TUBB3: variants seen among roughly 807,000 people sequenced by gnomAD.
The protein encoded by TUBB3 is tubulin beta 3 class III, also known as tubulin beta-3 chain.
Under a neutral mutation model 37.8 loss-of-function variants are expected in TUBB3, and 17 were observed. The ratio of observed to expected loss-of-function variants is 0.45; its 90% confidence interval spans 0.31 to 0.67. The LOEUF is 0.67. Among genes scored for constraint, TUBB3 ranks in the 30% least tolerant of loss-of-function variants. The probability of loss-of-function intolerance (pLI) is 0.07; values close to 1 mark genes in which losing one functional copy is unlikely to be tolerated. For missense variants in TUBB3, 262 were observed against 657.9 expected, an observed-to-expected ratio of 0.40 and a Z score of 6.58; for synonymous variants, 332 against 278.9, an observed-to-expected ratio of 1.19 and a Z score of -1.90.
At position 89,935,738 on chromosome 16, in the gene TUBB3, G is replaced by T. The variant is rs142238093; in HGVS notation, c.1287G>T (p.Thr429=). 7 of 1,613,934 alleles carry T rather than the reference G, an allele frequency of 4.3e-6. No homozygotes were observed. The highest frequency in any genetic ancestry group is 5.9e-6 in the Non-Finnish European group (7 of 1,179,942). The change falls in exon 4 of 4, where the codon ACG becomes ACT. Residue 429 remains threonine (T), a synonymous_variant. Coordinates refer to ENST00000315491, the MANE Select transcript of TUBB3 (RefSeq NM_006086.4). The part of the protein sequence containing the change: ...VSEYQQYQDA[T]AEEEGEMYED... Reference sequence around the variant, plus strand: ...AGTACCAGCAGTACCAGGACGCCACGGCCGAGGAAGAGGGCGAGATGTACG... The same window carrying T: ...AGTACCAGCAGTACCAGGACGCCACTGCCGAGGAAGAGGGCGAGATGTACG...
At position 89,923,466 on chromosome 16, in the gene TUBB3, T is replaced by C; in HGVS notation, c.57+8T>C. On this transcript the variant is annotated splice_region_variant and intron_variant, in intron 1 of 3. Transcript: ENST00000315491. Reference sequence around the variant, plus strand: ...AACCAGATCGGGGCCAAGGTGAGGCTGCGCGCCCCGGCCTGTCCCGGGCCC... The same window carrying C: ...AACCAGATCGGGGCCAAGGTGAGGCCGCGCGCCCCGGCCTGTCCCGGGCCC... The C allele has an allele frequency of 6.7e-7, 1 of 1,484,642 alleles. No individual in the cohort carries two copies. 92.0% of individuals were successfully genotyped at this position (1,484,642 alleles called of 1,614,324 possible). A position where few individuals can be genotyped will look rare whatever the true frequency, so the allele number is the denominator to read the frequency against.
At position 89,933,617 on chromosome 16, in the gene TUBB3, A is replaced by G. The variant is rs544901815; in HGVS notation, c.277+39A>G. ...GCTCCAAGCTCTGATGGCAGACCCC[A>G]TCACAGGCAAGCCCAGGTCGGTGGA... On this transcript the variant is annotated intron_variant, in intron 3 of 3. Transcript: ENST00000315491. The G allele has an allele frequency of 2.9e-4, 447 of 1,529,594 alleles. 8 individuals carry two copies. The South Asian group carries it at 4.7e-3, about 16-fold the overall frequency. The allele number at this position is 1,529,594 out of a possible 1,614,324, so 94.8% of individuals were successfully genotyped here.
chr16:89,929,425 G>A (rs967524657), intron 1 of TUBB3, among the ~76,000 whole-genome samples: 7 of 152,202 alleles, frequency 4.6e-5, no homozygotes, highest in African/African-American at 2.4e-5. Flanking sequence ...CAGTCTCAGG[G>A]TGAACGGGCA....
At position 89,935,144 on chromosome 16, in the gene TUBB3, C is replaced by T; in HGVS notation, c.693C>T (p.Ala231=). 2 of 1,614,112 alleles carry T rather than the reference C, an allele frequency of 1.2e-6. No homozygotes were observed. Among genetic ancestry groups the T allele is most frequent in the East Asian group, 2.2e-5 (1 of 44,884 alleles). ...GGGACCTCAACCACCTGGTATCGGC[C>T]ACCATGAGCGGAGTCACCACCTCCT... is the stretch of plus-strand genomic sequence containing the variant. ...TYGDLNHLVS[A]TMSGVTTSLR... is the part of the protein sequence containing the mutation. Residue 231 remains alanine, a synonymous_variant, in exon 4 of 4, where the codon GCC becomes GCT. Coordinates refer to ENST00000315491, the MANE Select transcript of TUBB3 (RefSeq NM_006086.4).
chr16:89,932,003 G>C (rs2030297713), intron 1 of TUBB3: 1 of 274,850 alleles, frequency 3.6e-6, no homozygotes. Flanking sequence ...GGTCCCCGAT[G>C]AGACTGGCTC....
intron 1 of TUBB3, among the ~76,000 whole-genome samples, chr16:89,929,931 C>T (rs1014538347): frequency 3.3e-5 from 5 of 151,652 alleles, no homozygotes; most frequent in Non-Finnish European, 7.4e-5. Flanking sequence ...GAACTCCTGA[C>T]CTCAGATGAT....
At chr16:89,924,054 C>T (rs749833513) in intron 1 of TUBB3, among the ~76,000 whole-genome samples, 17 of 152,230 alleles carry the variant, frequency 1.1e-4, no homozygotes, top group Non-Finnish European at 2.5e-4. Flanking sequence ...CCAGGCTCTC[C>T]ATCGGCGCAG....
At chr16:89,926,191 C>T (rs1335627056) in intron 1 of TUBB3, among the ~76,000 whole-genome samples, 1 of 152,178 alleles carries the variant, frequency 6.6e-6, no homozygotes, top group Non-Finnish European at 1.5e-5. Context: ...CGGGGTTCGC[C>T]TGCAGCGGCG....
At chr16:89,930,868 C>T (rs1211853180) in intron 1 of TUBB3, among the ~76,000 whole-genome samples, 1 of 151,370 alleles carries the variant, frequency 6.6e-6, no homozygotes, top group East Asian at 1.9e-4. Context: ...CACTCTGTCG[C>T]CCAGGCTGGA....
rs756489254 is a variant in TUBB3 at position 89,935,833 on chromosome 16, G to A, written c.*29G>A. The A allele has an allele frequency of 5.6e-6, 9 of 1,602,856 alleles. No individual in the cohort carries two copies. The highest frequency in any genetic ancestry group is 1.1e-5 in the South Asian group (1 of 90,438). ...TGCTCGCAGCTGGAGTGAGAGGCAG[G>A]TGGCGGCCGGGGCCGAAGCCAGCAG... On this transcript the variant is annotated 3_prime_UTR_variant, in exon 4 of 4. Coordinates refer to ENST00000315491, the MANE Select transcript of TUBB3 (RefSeq NM_006086.4).
intron 1 of TUBB3, among the ~76,000 whole-genome samples, chr16:89,929,315 A>G (rs190262803): frequency 3.3e-5 from 5 of 152,298 alleles, no homozygotes; most frequent in African/African-American, 7.2e-5. Context: ...AAACTTAGCA[A>G]TAACAAAAAT....
Position 89,932,651 on chromosome 16 carries a change from G to A in TUBB3, c.138G>A (p.Arg46=), listed in dbSNP as rs750682582. 11 of 1,613,976 alleles carry A rather than the reference G, an allele frequency of 6.8e-6. No homozygotes were observed. The East Asian group carries it at 2.2e-4, about 33-fold the overall frequency. ...YVGDSDLQLE[R]ISVYYNEASS... ...GCGACTCGGACTTGCAGCTGGAGCG[G>A]ATCAGCGTCTACTACAACGAGGCCT... Residue 46 remains arginine (R), a synonymous_variant, in exon 2 of 4, where the codon CGG becomes CGA. Coordinates refer to ENST00000315491, the MANE Select transcript of TUBB3 (RefSeq NM_006086.4).
intron 1 of TUBB3, among the ~76,000 whole-genome samples, chr16:89,927,451 C>T (rs969571085): frequency 9.2e-5 from 14 of 151,874 alleles, no homozygotes; most frequent in African/African-American, 3.4e-4. Flanking sequence ...ATTTTAACTA[C>T]AAAAGCAATT....
At chr16:89,923,554 C>A (rs2029962596) in intron 1 of TUBB3, 96 bp downstream of exon 1, 5 of 1,181,924 alleles carry the variant, frequency 4.2e-6, no homozygotes, top group African/African-American at 3.2e-5. Context: ...CCCGCCCCTG[C>A]GAACCTGCAA....
At chr16:89,923,331 G>A (rs1480041554), upstream of TUBB3, 4 of 1,302,198 alleles carry the variant, frequency 3.1e-6, no homozygotes, top group Non-Finnish European at 3.0e-6. Context: ...GCGCGGCCGC[G>A]GTCCCCGACC....
chr16:89,931,278 C>G (rs1162904105), intron 1 of TUBB3, among the ~76,000 whole-genome samples: 1 of 152,240 alleles, frequency 6.6e-6, no homozygotes, highest in Admixed American at 6.5e-5. Flanking sequence ...GTTTTCTAAC[C>G]TGCTTTTTTC....
intron 1 of TUBB3, among the ~76,000 whole-genome samples, chr16:89,925,016 A>G (rs2030024885): frequency 6.6e-6 from 1 of 151,898 alleles, no homozygotes; most frequent in African/African-American, 2.4e-5. Flanking sequence ...GAGGGCAGGC[A>G]GCCCTGGGGC....
At chr16:89,922,759 C>T (rs889785597), upstream of TUBB3, 1 of 152,274 alleles carries the variant, frequency 6.6e-6, no homozygotes, top group Non-Finnish European at 1.5e-5. Flanking sequence ...CCACGGAGCT[C>T]GCTCTCGGCC....
chr16:89,924,997 G>T (rs1274243790), intron 1 of TUBB3, among the ~76,000 whole-genome samples: 1 of 151,968 alleles, frequency 6.6e-6, no homozygotes, highest in African/African-American at 2.4e-5. Flanking sequence ...AGGGGTCTCT[G>T]GGGAGAGGGA....
Sources: gnomAD v4.1 joint callset for allele counts (sites outside exome capture counted in the v4.1 genomes callset) on GRCh38, gnomAD v4.1.1 for gene constraint, MANE v1.5 for transcripts, NCBI Gene and HGNC (gene_info 2026-07-23, HGNC 2026-07-21) for gene names.